Variants in FREM2 observed in about 807,000 individuals in gnomAD.
FREM2 encodes the protein FRAS1-related extracellular matrix protein 2.
FREM2 carries 119 observed loss-of-function variants against 219.9 expected under a neutral mutation model. The ratio of observed to expected loss-of-function variants is 0.54; its 90% CI spans 0.47 to 0.63. FREM2 has a LOEUF of 0.63. FREM2 is among the 30% of genes least tolerant of loss of function. The pLI is 0.00. For synonymous variants in FREM2, 1,562 were observed against 1,522.8 expected (o/e 1.03, Z -0.60); for missense variants, 4,030 against 3,993.6 (o/e 1.01, Z -0.25).
At chr13:38,701,304 C>T (rs1287814373) in intron 2 of FREM2, among the ~76,000 whole-genome samples, 4 of 152,086 alleles carry the variant, frequency 2.6e-5, no homozygotes, top group Admixed American at 2.0e-4. Flanking sequence ...AATATATTCC[C>T]GCTGTCTGCG....
chr13:38,689,559 C>T lies in FREM2; in HGVS notation c.2215C>T (p.Arg739Cys), dbSNP rs771621330. Residue 739 changes from arginine (R) to cysteine (C), a missense_variant, in exon 1 of 24, where the codon CGT (arginine) becomes TGT (cysteine). Transcript: ENST00000280481. ...CCTGGACACAGATGACCGAGAACTA[C>T]GTTACACAGTGACTCAGCCCCCCAC... is the stretch of plus-strand genomic sequence containing the variant. Reference protein sequence around the residue: ...TDLDTDDRELRYTVTQPPTDT... With the variant: ...TDLDTDDRELCYTVTQPPTDT... 9.9e-6 allele frequency: 16 copies of T among 1,613,144 alleles called. No homozygotes were observed. Among genetic ancestry groups the T allele is most frequent in the Admixed American group, 3.3e-5 (2 of 59,956 alleles).
chr13:38,864,128 C>G, intron 15 of FREM2, 147 bp from the exon 16 acceptor site: 1 of 686,694 alleles, frequency 1.5e-6, no homozygotes, highest in South Asian at 1.7e-5. Context: ...GTCACCGGGC[C>G]TGGACACCAC....
intron 3 of FREM2, among the ~76,000 whole-genome samples, chr13:38,765,101 G>A (rs920930992): frequency 5.3e-5 from 8 of 152,078 alleles, no homozygotes; most frequent in East Asian, 1.9e-4. Flanking sequence ...TAGTAGAGAC[G>A]GGGTTTCACC....
In FREM2 at chr13:38,691,439, A is replaced by C; in HGVS notation, c.4095A>C (p.Thr1365=). The change falls in exon 1 of 24, where the codon ACA becomes ACC. Residue 1365 remains threonine, a synonymous_variant. Coordinates refer to ENST00000280481, the MANE Select transcript of FREM2 (RefSeq NM_207361.6). ...CTACTGGTGCCTTTGAAAATATCAC[A>C]CTGGGCATGAATTTTACCCAGGATG... ...RKPTGAFENI[T]LGMNFTQDEV... is the part of the protein sequence containing the mutation. The C allele has an allele frequency of 6.2e-7, 1 of 1,614,108 alleles. No homozygotes were observed. Among genetic ancestry groups the C allele is most frequent in the Non-Finnish European group, 8.5e-7 (1 of 1,180,018 alleles).
chr13:38,854,646 T>G (rs1260882215), intron 11 of FREM2, among the ~76,000 whole-genome samples: 3 of 152,186 alleles, frequency 2.0e-5, no homozygotes, highest in Non-Finnish European at 4.4e-5. Context: ...GAACTGTAAG[T>G]TCTCTCAGGG....
At position 38,840,581 on chromosome 13, in the gene FREM2, G is replaced by A. The variant is rs534457736; in HGVS notation, c.6020-5992G>A. 2.7e-5 allele frequency among the ~76,000 whole-genome samples: 4 copies of A among 149,258 alleles called. No individual in the cohort carries two copies. In the South Asian group the frequency reaches 6.3e-4, roughly 24 times the overall value. On this transcript the variant is annotated intron_variant, in intron 6 of 23. Coordinates refer to ENST00000280481, the MANE Select transcript of FREM2 (RefSeq NM_207361.6). ...AGAGTGTAAGGTATAGAATCACAGA[G>A]CATCAATATCTCAAATATTTTTTAA...
At chr13:38,759,804 T>G (rs1247563744) in intron 2 of FREM2, among the ~76,000 whole-genome samples, 1 of 152,252 alleles carries the variant, frequency 6.6e-6, no homozygotes, top group African/African-American at 2.4e-5. Context: ...AAGCTGTAGC[T>G]TTTGTTAAAG....
Position 38,689,347 on chromosome 13 carries a change from A to G in FREM2, c.2003A>G (p.Asp668Gly). The part of the protein sequence containing the change: ...SGPHSPGPVT[D>G]QFTFRVQDNH... Reference sequence around the variant, plus strand: ...CCCCATAGTCCTGGGCCAGTCACAGACCAGTTCACATTTAGAGTCCAGGAT... The same window carrying G: ...CCCCATAGTCCTGGGCCAGTCACAGGCCAGTTCACATTTAGAGTCCAGGAT... The change falls in exon 1 of 24, where the codon GAC (aspartate) becomes GGC (glycine). Residue 668 changes from aspartate to glycine, a missense_variant. Asp to Gly is a moderately conservative substitution (Grantham distance 94). Coordinates refer to ENST00000280481, the MANE Select transcript of FREM2 (RefSeq NM_207361.6). 1.2e-6 allele frequency: 2 copies of G among 1,614,018 alleles called. No individual in the cohort carries two copies. The highest frequency in any genetic ancestry group is 1.7e-6 in the Non-Finnish European group (2 of 1,179,990).
chr13:38,793,576 G>A (rs1874649780), intron 6 of FREM2, among the ~76,000 whole-genome samples: 1 of 152,220 alleles, frequency 6.6e-6, no homozygotes, highest in South Asian at 2.1e-4. Flanking sequence ...ATATAAAAGA[G>A]TTGTGTTTCA....
At position 38,885,087 on chromosome 13, in the gene FREM2, A is replaced by T. The variant is rs1304778022; in HGVS notation, c.*4300A>T. ...TTTCTCCCCTTTTCCATGGATTTTG[A>T]TACTAAGAAACAAAATGCTTTGAGA... On this transcript the variant is annotated 3_prime_UTR_variant, in exon 24 of 24. Transcript: ENST00000280481. 28 of 152,132 alleles carry T rather than the reference A, an allele frequency of 1.8e-4. No homozygotes were observed. Among genetic ancestry groups the T allele is most frequent in the Admixed American group, 1.8e-3 (28 of 15,260 alleles). The allele number at this position is 152,132 out of a possible 1,614,324, so 9.4% of individuals were successfully genotyped here.
At chr13:38,796,004 T>A (rs973925194) in intron 6 of FREM2, among the ~76,000 whole-genome samples, 1 of 152,142 alleles carries the variant, frequency 6.6e-6, no homozygotes, top group Non-Finnish European at 1.5e-5. Context: ...TCTTTTTTCT[T>A]TCTTTCTTTC....
At chr13:38,851,281 T>G (rs1877361097) in intron 10 of FREM2, among the ~76,000 whole-genome samples, 173 bp downstream of exon 10, 1 of 152,124 alleles carries the variant, frequency 6.6e-6, no homozygotes, top group African/African-American at 2.4e-5. Context: ...AATAAACCAT[T>G]AAAACTGATA....
rs1377699394 is a variant in FREM2 at position 38,691,668 on chromosome 13, G to T, written c.4324G>T (p.Asp1442Tyr). The T allele has an allele frequency of 1.5e-5, 24 of 1,614,112 alleles. No homozygotes were observed. Among genetic ancestry groups the T allele is most frequent in the Non-Finnish European group, 2.0e-5 (24 of 1,180,020 alleles). Residue 1442 changes from aspartate to tyrosine, a missense_variant, in exon 1 of 24, where the codon GAC becomes TAC. Asp to Tyr is a radical substitution (Grantham distance 160, BLOSUM62 -3). This residue lies in a region of FREM2 where 3,102 missense variants were observed against 2,950.7 expected (regional missense o/e 1.05). Transcript: ENST00000280481. ...KEGGKVTLTT[D>Y]LLSTSDLNSP... ...AGGTGGCAAAGTCACTCTTACAACA[G>T]ACCTACTAAGCACTAGTGACTTGAA...
At chr13:38,764,557 A>G in intron 3 of FREM2, 107 bp downstream of exon 3, 1 of 711,164 alleles carries the variant, frequency 1.4e-6, no homozygotes, top group Non-Finnish European at 2.3e-6. Context: ...GCTTAAAGTT[A>G]AAATTTAAAA....
At position 38,687,213 on chromosome 13, in the gene FREM2, C is replaced by A; in HGVS notation, c.-132C>A. ...AACTTTGCCATCCTTCTGGCCCAGC[C>A]CCGGCTACAGGAGGACCCCGCGGGC... On this transcript the variant is annotated 5_prime_UTR_variant, in exon 1 of 24. Coordinates refer to ENST00000280481, the MANE Select transcript of FREM2 (RefSeq NM_207361.6). 1.5e-6 allele frequency: 2 copies of A among 1,312,276 alleles called. No homozygotes were observed. Among genetic ancestry groups the A allele is most frequent in the Non-Finnish European group, 2.1e-6 (2 of 940,492 alleles). The allele number at this position is 1,312,276 out of a possible 1,614,324, so 81.3% of individuals were successfully genotyped here. A position where few individuals can be genotyped will look rare whatever the true frequency, so the allele number is the denominator to read the frequency against.
At chr13:38,856,596 G>A (rs918368198) in intron 12 of FREM2, among the ~76,000 whole-genome samples, 4 of 151,940 alleles carry the variant, frequency 2.6e-5, no homozygotes, top group African/African-American at 9.7e-5. Flanking sequence ...TCAGAGTAAA[G>A]AGGGAACTAT....
At chr13:38,810,783 T>C (rs1193493669) in intron 6 of FREM2, among the ~76,000 whole-genome samples, 1 of 151,980 alleles carries the variant, frequency 6.6e-6, no homozygotes, top group Non-Finnish European at 1.5e-5. Flanking sequence ...GTTTTCTTTT[T>C]TTATATGTCT....
At position 38,878,026 on chromosome 13, in the gene FREM2, G is replaced by T. The variant is rs184538574; in HGVS notation, c.8672-108G>T. The stretch of plus-strand genomic sequence containing the variant: ...CTTCAACATTTGATAGTAGATGAGG[G>T]TGGCAAGGAAATAATCTCTGTGTCC... On this transcript the variant is annotated intron_variant, in intron 21 of 23. Transcript: ENST00000280481. The T allele has an allele frequency of 9.8e-5, 93 of 947,956 alleles. 1 individual carries two copies. The East Asian group carries it at 2.2e-3, about 22-fold the overall frequency. The allele number at this position is 947,956 out of a possible 1,614,324, so 58.7% of individuals were successfully genotyped here. A position where few individuals can be genotyped will look rare whatever the true frequency, so the allele number is the denominator to read the frequency against.
At chr13:38,703,229 TAA>T (rs1394230187) in intron 2 of FREM2, among the ~76,000 whole-genome samples, 3 of 152,000 alleles carry the variant, frequency 2.0e-5, no homozygotes, top group African/African-American at 7.2e-5. Context: ...TGGAAAAATA[TAA>T]ATAGAGTAAG....
Sources: allele counts gnomAD v4.1 joint callset (sites outside exome capture counted in the v4.1 genomes callset), GRCh38; gene constraint gnomAD v4.1.1; regional missense constraint gnomAD v4.1.1; transcripts MANE v1.5; gene names NCBI Gene and HGNC (gene_info 2026-07-23, HGNC 2026-07-21).